Variants in PLAG1 observed in about 807,000 individuals in gnomAD.
PLAG1 encodes zinc finger protein PLAG1.
PLAG1 carries 7 observed loss-of-function variants against 35.5 expected under a neutral mutation model. The observed-to-expected ratio is 0.20, with a 90% CI of 0.11 to 0.37. PLAG1 has a LOEUF of 0.37. Among genes scored for constraint, PLAG1 ranks in the 10% least tolerant of loss-of-function variants. The probability of loss-of-function intolerance (pLI) is 1.00; values close to 1 mark genes in which losing one functional copy is unlikely to be tolerated. For missense variants in PLAG1, 454 were observed against 602.8 expected (o/e 0.75, Z 2.58); for synonymous variants, 229 against 225.4 (o/e 1.02, Z -0.14).
intron 2 of PLAG1, among the ~76,000 whole-genome samples, chr8:56,174,585 A>G (rs1267732118): frequency 6.6e-6 from 1 of 152,226 alleles, no homozygotes; most frequent in Non-Finnish European, 1.5e-5. Flanking sequence ...AAAGGCAGTT[A>G]AAGTAACTGT....
At chr8:56,209,526 T>C (rs781101345) in intron 1 of PLAG1, 2 of 152,306 alleles carry the variant, frequency 1.3e-5, no homozygotes, top group Non-Finnish European at 2.9e-5. Context: ...AAGCTGTCCC[T>C]TTAAAATGCC....
intron 1 of PLAG1, among the ~76,000 whole-genome samples, chr8:56,205,858 T>C (rs1283944159): frequency 1.3e-5 from 2 of 151,986 alleles, no homozygotes; most frequent in Non-Finnish European, 2.9e-5. Flanking sequence ...CATAAGTTCA[T>C]TCATTCTACA....
intron 2 of PLAG1, among the ~76,000 whole-genome samples, chr8:56,178,636 A>AT (rs1299070734): frequency 6.6e-6 from 1 of 151,864 alleles, no homozygotes; most frequent in Non-Finnish European, 1.5e-5. Context: ...CCTTTCCCCC[A>AT]TCTGCCATCA....
At chr8:56,192,711 T>C (rs1431631669) in intron 1 of PLAG1, among the ~76,000 whole-genome samples, 2 of 152,252 alleles carry the variant, frequency 1.3e-5, no homozygotes, top group African/African-American at 4.8e-5. Context: ...TGATTGCTTA[T>C]GGCACTTAAT....
At chr8:56,189,755 G>C (rs1304255352) in intron 1 of PLAG1, among the ~76,000 whole-genome samples, 2 of 152,172 alleles carry the variant, frequency 1.3e-5, no homozygotes, top group Non-Finnish European at 2.9e-5. Context: ...CTGAGATTGG[G>C]GTGAGGTAAG....
At position 56,165,958 on chromosome 8, in the gene PLAG1, A is replaced by T; in HGVS notation, c.*285T>A. Reference sequence around the variant, plus strand: ...AAGTAATTTGAAAATGGGATTTGTAAAAGTTTACTACTAATAATGGCTTTC... The same window carrying T: ...AAGTAATTTGAAAATGGGATTTGTATAAGTTTACTACTAATAATGGCTTTC... On this transcript the variant is annotated 3_prime_UTR_variant, in exon 5 of 5. Coordinates refer to ENST00000316981, the MANE Select transcript of PLAG1 (RefSeq NM_002655.3). The T allele has an allele frequency of 4.2e-6, 1 of 237,670 alleles. No homozygotes were observed. The highest frequency in any genetic ancestry group is 1.3e-3 in the Middle Eastern group (1 of 756). 14.7% of individuals were successfully genotyped at this position (237,670 alleles called of 1,614,324 possible). A position where few individuals can be genotyped will look rare whatever the true frequency, so the allele number is the denominator to read the frequency against.
chr8:56,171,681 C>G (rs1013301177), intron 2 of PLAG1, among the ~76,000 whole-genome samples: 3 of 152,326 alleles, frequency 2.0e-5, no homozygotes, highest in South Asian at 4.1e-4. Context: ...CAGAGCTACA[C>G]TTTTGCTATC....
intron 1 of PLAG1, among the ~76,000 whole-genome samples, chr8:56,194,850 C>G (rs1446823810): frequency 6.6e-6 from 1 of 152,110 alleles, no homozygotes; most frequent in African/African-American, 2.4e-5. Flanking sequence ...ATCTTGAACA[C>G]CTCCTCTGGC....
At chr8:56,183,014 A>G (rs988027973) in intron 1 of PLAG1, among the ~76,000 whole-genome samples, 8 of 152,194 alleles carry the variant, frequency 5.3e-5, no homozygotes, top group Admixed American at 6.5e-5. Flanking sequence ...GAAGGGTCCT[A>G]TGTCTGGGAA....
chr8:56,202,088 A>C (rs1291282215), intron 1 of PLAG1, among the ~76,000 whole-genome samples: 4 of 152,024 alleles, frequency 2.6e-5, no homozygotes, highest in Admixed American at 2.6e-4. Flanking sequence ...ATTTCAAGCT[A>C]GATTTAAAAT....
At chr8:56,179,796 G>A (rs1189480916) in intron 1 of PLAG1, among the ~76,000 whole-genome samples, 1 of 24,174 alleles carries the variant, frequency 4.1e-5, no homozygotes, top group Non-Finnish European at 7.4e-5. Context: ...TCTCAAAACT[G>A]CTGCTTATTT....
intron 1 of PLAG1, among the ~76,000 whole-genome samples, chr8:56,205,849 A>G (rs773395996): frequency 1.3e-5 from 2 of 151,970 alleles, no homozygotes; most frequent in African/African-American, 2.4e-5. Context: ...GACATACTGC[A>G]TAAGTTCATT....
chr8:56,182,691 T>A (rs2129228724), intron 1 of PLAG1, among the ~76,000 whole-genome samples: 1 of 152,240 alleles, frequency 6.6e-6, no homozygotes, highest in South Asian at 2.1e-4. Flanking sequence ...AACAAGAGGA[T>A]GTTTTCTTTC....
At chr8:56,202,710 A>T (rs770314716) in intron 1 of PLAG1, among the ~76,000 whole-genome samples, 1 of 152,218 alleles carries the variant, frequency 6.6e-6, no homozygotes, top group Non-Finnish European at 1.5e-5. Flanking sequence ...TAAGTAGAGC[A>T]ACTGTATCTC....
chr8:56,200,054 C>T (rs1414532529), intron 1 of PLAG1, among the ~76,000 whole-genome samples: 2 of 152,258 alleles, frequency 1.3e-5, no homozygotes, highest in East Asian at 3.9e-4. Context: ...CTAGCTTTCT[C>T]CACCATCATT....
intron 1 of PLAG1, among the ~76,000 whole-genome samples, chr8:56,208,594 A>C (rs1054118916): frequency 1.3e-5 from 2 of 152,210 alleles, no homozygotes; most frequent in Admixed American, 6.5e-5. Context: ...AAGTCTAAAA[A>C]TTCAGCTCTA....
intron 2 of PLAG1, chr8:56,178,009 C>T: frequency 1.0e-6 from 1 of 981,820 alleles, no homozygotes; most frequent in Non-Finnish European, 1.2e-6. Flanking sequence ...TAGCACTCAG[C>T]CAGCCTGGAC....
At chr8:56,185,354 T>C (rs1204293127) in intron 1 of PLAG1, among the ~76,000 whole-genome samples, 1 of 152,158 alleles carries the variant, frequency 6.6e-6, no homozygotes, top group Non-Finnish European at 1.5e-5. Context: ...ATATGGGCAG[T>C]TTATACAATA....
Position 56,165,440 on chromosome 8 carries a change from T to C in PLAG1, c.*803A>G, listed in dbSNP as rs927173126. 4 of 216,826 alleles carry C rather than the reference T, an allele frequency of 1.8e-5. No individual in the cohort carries two copies. Among genetic ancestry groups the C allele is most frequent in the Non-Finnish European group, 2.8e-5 (3 of 107,652 alleles). The allele number at this position is 216,826 out of a possible 1,614,324, so 13.4% of individuals were successfully genotyped here. ...TAAAGAGATCTACCTATATATCGAC[T>C]CTGAAGACCCCAATGCCATACACTA... On this transcript the variant is annotated 3_prime_UTR_variant, in exon 5 of 5. Coordinates refer to ENST00000316981, the MANE Select transcript of PLAG1 (RefSeq NM_002655.3).
Sources: gnomAD v4.1 joint callset for allele counts (sites outside exome capture counted in the v4.1 genomes callset) on GRCh38, gnomAD v4.1.1 for gene constraint, MANE v1.5 for transcripts, NCBI Gene and HGNC (gene_info 2026-07-23, HGNC 2026-07-21) for gene names.